Variants in STIM2 observed in about 807,000 individuals in gnomAD.
STIM2 encodes the protein stromal interaction molecule 2.
A neutral mutation model predicts 85.8 loss-of-function variants in STIM2; 31 were observed. The observed-to-expected ratio is 0.36, with a 90% CI of 0.27 to 0.49. STIM2 has a LOEUF of 0.49. STIM2 is among the 20% of genes least tolerant of loss of function. The probability of loss-of-function intolerance (pLI) is 0.98; values close to 1 mark genes in which losing one functional copy is unlikely to be tolerated. For missense variants in STIM2, 841 were observed against 927.6 expected (o/e 0.91, Z 1.21); for synonymous variants, 356 against 331.1 (o/e 1.08, Z -0.82).
chr4:27,019,556 C>T (rs1332300312), intron 11 of STIM2: 16 of 1,132,040 alleles, frequency 1.4e-5, no homozygotes, highest in South Asian at 3.9e-5. Flanking sequence ...GTCAAAGTTT[C>T]ATAGCTAGCT....
chr4:26,864,660 A>G (rs571220902), intron 1 of STIM2, among the ~76,000 whole-genome samples: 1 of 152,246 alleles, frequency 6.6e-6, no homozygotes, highest in East Asian at 1.9e-4. Flanking sequence ...TAACTGTAAT[A>G]CCATTTCACT....
chr4:26,892,163 A>G (rs1723514871), intron 1 of STIM2, among the ~76,000 whole-genome samples: 2 of 152,214 alleles, frequency 1.3e-5, no homozygotes, highest in African/African-American at 4.8e-5. Context: ...TTTCTTTTGT[A>G]AATTGCCCAG....
intron 10 of STIM2, among the ~76,000 whole-genome samples, chr4:27,015,990 C>G (rs1336311979): frequency 1.3e-5 from 2 of 151,946 alleles, no homozygotes; most frequent in Non-Finnish European, 2.9e-5. Flanking sequence ...TTCCACATTT[C>G]TTAACCTTTC....
At chr4:27,004,013 T>C (rs1437264195) in intron 7 of STIM2, among the ~76,000 whole-genome samples, 1 of 152,208 alleles carries the variant, frequency 6.6e-6, no homozygotes, top group Non-Finnish European at 1.5e-5. Context: ...GTGACTCAGT[T>C]ATAAAGCAGG....
chr4:27,020,261 A>G (rs1404022829), intron 11 of STIM2, among the ~76,000 whole-genome samples: 1 of 152,272 alleles, frequency 6.6e-6, no homozygotes, highest in Non-Finnish European at 1.5e-5. Flanking sequence ...TCATAAAATT[A>G]TAACTGAATC....
chr4:26,969,116 C>T (rs1726837253), intron 3 of STIM2, among the ~76,000 whole-genome samples: 1 of 152,146 alleles, frequency 6.6e-6, no homozygotes. Flanking sequence ...AGGCAAGAAA[C>T]TTGCTGACAG....
At chr4:26,978,426 G>A (rs149189947) in intron 3 of STIM2, among the ~76,000 whole-genome samples, 115 of 151,964 alleles carry the variant, frequency 7.6e-4, no homozygotes, top group African/African-American at 2.6e-3. Context: ...GAGTGCTGGT[G>A]TATAGTCAGG....
chr4:26,976,495 AC>A (rs1021090415), intron 3 of STIM2, among the ~76,000 whole-genome samples: 2 of 151,046 alleles, frequency 1.3e-5, no homozygotes, highest in African/African-American at 4.9e-5. Flanking sequence ...ATTGCAAGTT[AC>A]AAAAATCAGA....
intron 3 of STIM2, among the ~76,000 whole-genome samples, chr4:26,985,680 G>A (rs1405244441): frequency 2.6e-5 from 4 of 152,106 alleles, no homozygotes; most frequent in African/African-American, 9.7e-5. Flanking sequence ...CATACTGTTT[G>A]TAACAGTCTG....
chr4:26,973,099 T>C (rs1001651854), intron 3 of STIM2, among the ~76,000 whole-genome samples: 29 of 152,204 alleles, frequency 1.9e-4, no homozygotes, highest in Non-Finnish European at 3.4e-4. Flanking sequence ...CCCTTTATCA[T>C]TTTTTATTGT....
intron 2 of STIM2, among the ~76,000 whole-genome samples, chr4:26,951,940 C>A (rs1726068805): frequency 1.3e-5 from 2 of 152,060 alleles, no homozygotes; most frequent in African/African-American, 4.8e-5. Flanking sequence ...TAGATTTTGG[C>A]TGGATCATGG....
chr4:26,984,408 T>G (rs1481228196), intron 3 of STIM2, among the ~76,000 whole-genome samples: 7 of 152,258 alleles, frequency 4.6e-5, no homozygotes, highest in Non-Finnish European at 7.3e-5. Context: ...TTGCCCAGGC[T>G]GGAATGCAGT....
chr4:26,973,073 G>C lies in STIM2; in HGVS notation c.397+15347G>C, dbSNP rs191735915. Among the ~76,000 whole-genome samples, 481 of 152,232 alleles carry C rather than the reference G, an allele frequency of 3.2e-3. 1 individual carries two copies. The highest frequency in any genetic ancestry group is 0.011 in the African/African-American group (447 of 41,536). On this transcript the variant is annotated intron_variant, in intron 3 of 11. Transcript: ENST00000467087. ...CTGATGGTAGTTTGCGTTTCTGTGG[G>C]ATCGGTAGTGATATCCCCTTTATCA...
intron 3 of STIM2, among the ~76,000 whole-genome samples, chr4:26,979,410 G>A (rs576568311): frequency 1.6e-4 from 25 of 152,270 alleles, no homozygotes; most frequent in Non-Finnish European, 3.1e-4. Flanking sequence ...AAGAGAAATA[G>A]TAATTGTCAC....
In STIM2 at chr4:26,861,172, C is replaced by G. The variant is rs771812206; in HGVS notation, c.-47C>G. On this transcript the variant is annotated 5_prime_UTR_variant, in exon 1 of 12. Coordinates refer to ENST00000467087, the MANE Select transcript of STIM2 (RefSeq NM_020860.4). Reference sequence around the variant, plus strand: ...CGGCGCCTTCATCCCGCCTCGACTCCTGGCCCAGCGTGGGGCTGGCTGCTG... The same window carrying G: ...CGGCGCCTTCATCCCGCCTCGACTCGTGGCCCAGCGTGGGGCTGGCTGCTG... 5.2e-5 allele frequency: 73 copies of G among 1,402,872 alleles called. No individual in the cohort carries two copies. The highest frequency in any genetic ancestry group is 5.9e-5 in the Non-Finnish European group (64 of 1,076,004). The allele number at this position is 1,402,872 out of a possible 1,614,324, so 86.9% of individuals were successfully genotyped here.
At chr4:26,985,559 A>G (rs894603220) in intron 3 of STIM2, among the ~76,000 whole-genome samples, 45 of 152,338 alleles carry the variant, frequency 3.0e-4, no homozygotes, top group African/African-American at 1.0e-3. Flanking sequence ...AAATATATTT[A>G]CTTTTATTAA....
chr4:26,943,421 TTTG>T (rs1342231642), intron 2 of STIM2, among the ~76,000 whole-genome samples: 13 of 152,284 alleles, frequency 8.5e-5, no homozygotes, highest in Middle Eastern at 3.4e-3. Context: ...TGTTATCTTT[TTTG>T]TTGTTGTTTA....
At chr4:26,861,480 G>T in intron 1 of STIM2, 111 bp downstream of exon 1, 1 of 1,231,028 alleles carries the variant, frequency 8.1e-7, no homozygotes, top group Non-Finnish European at 1.0e-6. Context: ...GCTCCGGCCA[G>T]GGCGCGATGC....
At chr4:26,890,804 A>G (rs1723445029) in intron 1 of STIM2, among the ~76,000 whole-genome samples, 1 of 148,876 alleles carries the variant, frequency 6.7e-6, no homozygotes, top group Non-Finnish European at 1.5e-5. Context: ...AGCCTGGGCG[A>G]CAGAGCGAGA....
Sources: allele counts gnomAD v4.1 joint callset (sites outside exome capture counted in the v4.1 genomes callset), GRCh38; gene constraint gnomAD v4.1.1; transcripts MANE v1.5; gene names NCBI Gene and HGNC (gene_info 2026-07-23, HGNC 2026-07-21).